Variants in CEMIP2 observed in about 807,000 individuals in gnomAD.
CEMIP2 encodes cell migration inducing hyaluronidase 2.
CEMIP2 carries 79 observed loss-of-function variants against 146.9 expected under a neutral mutation model. That is an observed-to-expected ratio of 0.54 (90% CI 0.45 to 0.65). The LOEUF (loss-of-function observed/expected upper bound fraction) is 0.65, where lower values mean the gene tolerates loss of function less well. Among genes scored for constraint, CEMIP2 ranks in the 30% least tolerant of loss-of-function variants. The pLI is 0.00. For missense variants in CEMIP2, 1,596 were observed against 1,696.2 expected, an observed-to-expected ratio of 0.94 and a Z score of 1.04; for synonymous variants, 601 against 606.3, an observed-to-expected ratio of 0.99 and a Z score of 0.13.
chr9:71,687,848 T>G (rs1822113418), intron 22 of CEMIP2, among the ~76,000 whole-genome samples: 1 of 152,012 alleles, frequency 6.6e-6, no homozygotes, highest in Non-Finnish European at 1.5e-5. Flanking sequence ...CCTGGGCAAC[T>G]ATTTTTGTTT....
In CEMIP2 at chr9:71,750,091, T is replaced by C. The variant is rs1200893690; in HGVS notation, c.283A>G (p.Ile95Val). The change falls in exon 2 of 24, where the codon ATT becomes GTT. Residue 95 changes from isoleucine (I) to valine (V), a missense_variant. Coordinates refer to ENST00000377044, the MANE Select transcript of CEMIP2 (RefSeq NM_013390.3). Reference protein sequence around the residue: ...CFAITSFSFFIALAIILGISS... With the variant: ...CFAITSFSFFVALAIILGISS... ...ATTCCTAAAATGATTGCAAGTGCAA[T>C]AAAAAATGAGAAACTAGTAATAGCA... 1.9e-6 allele frequency: 3 copies of C among 1,613,236 alleles called. No homozygotes were observed. The highest frequency in any genetic ancestry group is 2.2e-5 in the East Asian group (1 of 44,774).
Position 71,717,961 on chromosome 9 carries a change from C to T in CEMIP2, c.2386G>A (p.Val796Ile), listed in dbSNP as rs537759272. Residue 796 changes from valine to isoleucine, a missense_variant, in exon 13 of 24, where the codon GTT becomes ATT. Coordinates refer to ENST00000377044, the MANE Select transcript of CEMIP2 (RefSeq NM_013390.3). Reference sequence around the variant, plus strand: ...GAGAATACCCACGCTGAATTTTGAACGATAATATCTCCTCCTCTGACCCAA... The same window carrying T: ...GAGAATACCCACGCTGAATTTTGAATGATAATATCTCCTCCTCTGACCCAA... ...GAWVRGGDIIVQNSAFADNGI... is the reference protein window; with the variant it reads ...GAWVRGGDIIIQNSAFADNGI... 31 of 1,604,736 alleles carry T rather than the reference C, an allele frequency of 1.9e-5. No homozygotes were observed. Among genetic ancestry groups the T allele is most frequent in the South Asian group, 1.4e-4 (12 of 88,694 alleles).
chr9:71,751,640 G>GT (rs767290976), intron 1 of CEMIP2, among the ~76,000 whole-genome samples: 2 of 152,040 alleles, frequency 1.3e-5, no homozygotes, highest in African/African-American at 2.4e-5. Context: ...GGCTCAGCTG[G>GT]TGCAAACAGG....
intron 18 of CEMIP2, chr9:71,704,388 AG>A (rs1331945391): frequency 3.4e-6 from 2 of 592,736 alleles, no homozygotes; most frequent in Non-Finnish European, 5.9e-6. Context: ...TTGACCACAG[AG>A]AAAAAAAAAG....
intron 14 of CEMIP2, 91 bp downstream of exon 14, chr9:71,716,423 AAAT>A: frequency 9.2e-7 from 1 of 1,087,648 alleles, no homozygotes; most frequent in Non-Finnish European, 1.3e-6. Flanking sequence ...ATGTTAAAAA[AAAT>A]AATAAAACAT....
chr9:71,739,724 C>T (rs1246994008), intron 5 of CEMIP2, among the ~76,000 whole-genome samples: 1 of 152,164 alleles, frequency 6.6e-6, no homozygotes, highest in Non-Finnish European at 1.5e-5. Flanking sequence ...GCTTTGAATG[C>T]AGCCCAACAC....
At position 71,728,302 on chromosome 9, in the gene CEMIP2, C is replaced by CGTATATATAT. The variant is rs1554684803; in HGVS notation, c.2049+1542_2049+1543insATATATATAC. Among the ~76,000 whole-genome samples the CGTATATATAT allele has an allele frequency of 3.5e-3, 40 of 11,574 alleles. 5 individuals are homozygous for CGTATATATAT. In the East Asian group the frequency reaches 0.068, roughly 20 times the overall value. The allele number at this position is 11,574 out of a possible 152,430, so 7.6% of individuals were successfully genotyped here. The stretch of plus-strand genomic sequence containing the variant: ...ATATGTATATATATATATATATATA[C>CGTATATATAT]ATATATATATATATACGTATATATA... On this transcript the variant is annotated intron_variant, in intron 10 of 23. Coordinates refer to ENST00000377044, the MANE Select transcript of CEMIP2 (RefSeq NM_013390.3).
chr9:71,685,468 G>C, intron 23 of CEMIP2, 75 bp from the exon 24 acceptor site: 13 of 1,386,076 alleles, frequency 9.4e-6, no homozygotes, highest in Non-Finnish European at 1.2e-5. Context: ...GAATATAGGA[G>C]GTGAGTCGGA....
chr9:71,692,365 A>ATCTCTCTCTCTCTCTCTC (rs10683725), intron 21 of CEMIP2, among the ~76,000 whole-genome samples: 15 of 90,558 alleles, frequency 1.7e-4, no homozygotes, highest in African/African-American at 6.4e-4. Flanking sequence ...TCTACCCCCC[A>ATCTCTCTCTCTCTCTCTC]TCTCTCTCTC....
chr9:71,755,907 AACTG>A (rs1353359187), intron 1 of CEMIP2, among the ~76,000 whole-genome samples: 1 of 145,478 alleles, frequency 6.9e-6, no homozygotes, highest in African/African-American at 2.6e-5. Flanking sequence ...GGCTGCAACA[AACTG>A]ACTGCACCAC....
rs1823007831 is a variant in CEMIP2 at position 71,715,060 on chromosome 9, G to A, written c.2465C>T (p.Ser822Phe). The A allele has an allele frequency of 1.2e-6, 2 of 1,613,792 alleles. No homozygotes were observed. The highest frequency in any genetic ancestry group is 1.7e-6 in the Non-Finnish European group (2 of 1,179,900). The change falls in exon 15 of 24, where the codon TCC (serine) becomes TTC (phenylalanine). Residue 822 changes from serine to phenylalanine, a missense_variant. Physicochemically the swap from Ser to Phe is radical, Grantham distance 155. Transcript: ENST00000377044. ...GAGAGATTCAGATACCTCTTGGCTG[G>A]AACCTTCATCACTTGGGAAGCTTCC... The part of the protein sequence containing the change: ...SDGSFPSDEG[S>F]SQEVSESLFV...
At chr9:71,721,772 A>G (rs966137446) in intron 12 of CEMIP2, among the ~76,000 whole-genome samples, 1 of 152,244 alleles carries the variant, frequency 6.6e-6, no homozygotes, top group Non-Finnish European at 1.5e-5. Flanking sequence ...TCTACTGAAT[A>G]TGACTTTAAG....
At chr9:71,758,113 C>G (rs57364305) in intron 1 of CEMIP2, among the ~76,000 whole-genome samples, 1 of 152,042 alleles carries the variant, frequency 6.6e-6, no homozygotes, top group Non-Finnish European at 1.5e-5. Flanking sequence ...AAAAAACAAC[C>G]ACTGCAAAGA....
At chr9:71,731,004 G>T (rs1823600852) in intron 7 of CEMIP2, 90 bp from the exon 8 acceptor site, 3 of 1,002,832 alleles carry the variant, frequency 3.0e-6, no homozygotes, top group East Asian at 2.6e-5. Flanking sequence ...ATCCAAAGGA[G>T]AATACTTATT....
At chr9:71,743,961 T>A (rs938577744) in intron 4 of CEMIP2, among the ~76,000 whole-genome samples, 15 of 152,180 alleles carry the variant, frequency 9.9e-5, no homozygotes, top group African/African-American at 3.6e-4. Flanking sequence ...CCACAGATAT[T>A]CCCTGACTTT....
At chr9:71,744,487 G>A (rs1203108800) in intron 4 of CEMIP2, among the ~76,000 whole-genome samples, 1 of 152,162 alleles carries the variant, frequency 6.6e-6, no homozygotes, top group Non-Finnish European at 1.5e-5. Context: ...ATATATGCCA[G>A]GGGTCCATAG....
intron 8 of CEMIP2, 49 bp downstream of exon 8, chr9:71,730,656 G>A (rs1823588423): frequency 6.4e-7 from 1 of 1,566,568 alleles, no homozygotes; most frequent in Non-Finnish European, 8.8e-7. Context: ...GAATTAAAGA[G>A]AGTTAACTAT....
Position 71,693,014 on chromosome 9 carries a change from G to A in CEMIP2, c.3696+1495C>T, listed in dbSNP as rs114170019. On this transcript the variant is annotated intron_variant, in intron 21 of 23. Transcript: ENST00000377044. ...AGTTGGGAAGTAGAACTTAAGTTCC[G>A]GAGCTGGATGGTAGTGATGGTTGTA... Among the ~76,000 whole-genome samples, 1,427 of 152,236 alleles carry A rather than the reference G, an allele frequency of 9.4e-3. 26 individuals are homozygous for A. The highest frequency in any genetic ancestry group is 0.032 in the African/African-American group (1,321 of 41,518).
intron 2 of CEMIP2, 31 bp downstream of exon 2, chr9:71,750,012 A>C (rs373336538): frequency 9.8e-6 from 15 of 1,532,152 alleles, no homozygotes; most frequent in Non-Finnish European, 1.3e-5. Context: ...GTCTTCTAGA[A>C]TATGTTCTAT....
Sources: gnomAD v4.1 joint callset for allele counts (sites outside exome capture counted in the v4.1 genomes callset) on GRCh38, gnomAD v4.1.1 for gene constraint, MANE v1.5 for transcripts, NCBI Gene and HGNC (gene_info 2026-07-23, HGNC 2026-07-21) for gene names.